Variants in PTPRO observed in about 807,000 individuals in gnomAD.
PTPRO encodes protein tyrosine phosphatase receptor type O, also known as receptor-type tyrosine-protein phosphatase O.
In PTPRO, 62 loss-of-function variants were observed where a neutral mutation model predicts 145.2. The ratio of observed to expected loss-of-function variants is 0.43; its 90% CI spans 0.35 to 0.53. PTPRO has a LOEUF of 0.53. Among genes scored for constraint, PTPRO ranks in the 20% least tolerant of loss-of-function variants. The probability of loss-of-function intolerance (pLI) is 0.01; values close to 1 mark genes in which losing one functional copy is unlikely to be tolerated. For missense variants in PTPRO, 1,345 were observed against 1,482.7 expected, an observed-to-expected ratio of 0.91 and a Z score of 1.53; for synonymous variants, 565 against 514.7, an observed-to-expected ratio of 1.10 and a Z score of -1.32.
chr12:15,493,472 T>C (rs183837157), intron 2 of PTPRO, among the ~76,000 whole-genome samples: 6 of 152,032 alleles, frequency 3.9e-5, no homozygotes, highest in Admixed American at 3.3e-4. Flanking sequence ...CAGGAGAAGA[T>C]GGAAAAAGAA....
intron 1 of PTPRO, among the ~76,000 whole-genome samples, chr12:15,468,052 T>G (rs1026349998): frequency 1.4e-4 from 22 of 152,224 alleles, no homozygotes; most frequent in Non-Finnish European, 3.1e-4. Context: ...TTATACCCTT[T>G]TTTTATTCCA....
chr12:15,331,723 G>C (rs1023205581), intron 1 of PTPRO, among the ~76,000 whole-genome samples: 8 of 152,192 alleles, frequency 5.3e-5, no homozygotes, highest in Non-Finnish European at 7.3e-5. Flanking sequence ...CAGTACACTG[G>C]AGAGGCTGGC....
At chr12:15,528,074 A>G (rs1942879617) in intron 12 of PTPRO, among the ~76,000 whole-genome samples, 1 of 152,176 alleles carries the variant, frequency 6.6e-6, no homozygotes, top group Non-Finnish European at 1.5e-5. Flanking sequence ...GTACTGGAAA[A>G]TACGTTTGCT....
At chr12:15,412,389 G>C (rs1027156786) in intron 1 of PTPRO, among the ~76,000 whole-genome samples, 2 of 152,182 alleles carry the variant, frequency 1.3e-5, no homozygotes. Context: ...ATGCTTCACT[G>C]TGTGAAAGGC....
intron 1 of PTPRO, among the ~76,000 whole-genome samples, chr12:15,427,746 G>C (rs1437729334): frequency 6.6e-6 from 1 of 151,618 alleles, no homozygotes; most frequent in African/African-American, 2.4e-5. Context: ...TAGCTATCAT[G>C]GTTTTAATTT....
rs964558261 is a variant in PTPRO, at chr12:15,375,868, A to G, written c.75+53067A>G. On this transcript the variant is annotated intron_variant, in intron 1 of 26. Coordinates refer to ENST00000281171, the MANE Select transcript of PTPRO (RefSeq NM_030667.3). Reference sequence around the variant, plus strand: ...AACAGAATATTTGAGTTTACTCAACAGCATATTTGAGTTGGCAAAAGAAAG... The same window carrying G: ...AACAGAATATTTGAGTTTACTCAACGGCATATTTGAGTTGGCAAAAGAAAG... Among the ~76,000 whole-genome samples, 4 of 152,316 alleles carry G rather than the reference A, an allele frequency of 2.6e-5. No individual in the cohort carries two copies. In the East Asian group the frequency reaches 7.7e-4, roughly 29 times the overall value.
chr12:15,571,196 GAACAAAGAGA>G lies in PTPRO; in HGVS notation c.2829+1712_2829+1721del, dbSNP rs1157021165. 9.2e-5 allele frequency among the ~76,000 whole-genome samples: 14 copies of G among 152,272 alleles called. No individual in the cohort carries two copies. In the East Asian group the frequency reaches 1.3e-3, roughly 15 times the overall value. ...TGTTTTGGTTTCACTTTGTTTCACT[GAACAAAGAGA>G]AACAAAGAGAAACGCAGCCAGAGAG... On this transcript the variant is annotated intron_variant, in intron 19 of 26. Transcript: ENST00000281171.
At chr12:15,352,454 T>C (rs1373168114) in intron 1 of PTPRO, among the ~76,000 whole-genome samples, 1 of 151,860 alleles carries the variant, frequency 6.6e-6, no homozygotes, top group Non-Finnish European at 1.5e-5. Context: ...ATCTAGACCA[T>C]CTTGGCTAAC....
chr12:15,553,984 C>A (rs897538606), intron 15 of PTPRO, among the ~76,000 whole-genome samples: 9 of 152,164 alleles, frequency 5.9e-5, no homozygotes, highest in African/African-American at 2.2e-4. Flanking sequence ...CACCTGAAGT[C>A]GGGAGTTCGA....
intron 19 of PTPRO, 103 bp from the exon 20 acceptor site, chr12:15,578,750 G>T: frequency 1.1e-6 from 1 of 892,296 alleles, no homozygotes. Flanking sequence ...GGGAGCTACT[G>T]CAATGTCATA....
At chr12:15,564,379 A>G (rs74815376) in intron 17 of PTPRO, among the ~76,000 whole-genome samples, 6,891 of 152,292 alleles carry the variant, frequency 0.045, 497 homozygotes, top group African/African-American at 0.15. Flanking sequence ...GGTGAAATTC[A>G]GAGGGTAACA....
chr12:15,355,295 C>T lies in PTPRO; in HGVS notation c.75+32494C>T, dbSNP rs182034861. 8.5e-4 allele frequency among the ~76,000 whole-genome samples: 129 copies of T among 152,286 alleles called. 2 individuals carry two copies. In the Middle Eastern group the frequency reaches 0.01, roughly 12 times the overall value. On this transcript the variant is annotated intron_variant, in intron 1 of 26. Transcript: ENST00000281171. Reference sequence around the variant, plus strand: ...TAGTGATCAGAAATGACCTTTCCCTCCTTAGTCCCAGGTTTGTTTGGGATT... The same window carrying T: ...TAGTGATCAGAAATGACCTTTCCCTTCTTAGTCCCAGGTTTGTTTGGGATT...
intron 10 of PTPRO, among the ~76,000 whole-genome samples, chr12:15,521,332 G>A (rs1425949945): frequency 6.6e-6 from 1 of 151,944 alleles, no homozygotes; most frequent in Non-Finnish European, 1.5e-5. Context: ...AGCACTTTTT[G>A]TTCCAGATGT....
intron 22 of PTPRO, 138 bp from the exon 23 acceptor site, chr12:15,581,541 T>G: frequency 1.2e-6 from 1 of 863,442 alleles, no homozygotes; most frequent in African/African-American, 2.0e-5. Flanking sequence ...GTAGCAGAAA[T>G]GGTTTGCTTT....
intron 11 of PTPRO, 89 bp downstream of exon 11, chr12:15,525,054 T>C: frequency 6.7e-7 from 1 of 1,488,256 alleles, no homozygotes; most frequent in Admixed American, 1.7e-5. Context: ...TATTGACACG[T>C]CAAATGTTTG....
At position 15,409,856 on chromosome 12, in the gene PTPRO, C is replaced by T. The variant is rs559140795; in HGVS notation, c.76-74118C>T. On this transcript the variant is annotated intron_variant, in intron 1 of 26. Coordinates refer to ENST00000281171, the MANE Select transcript of PTPRO (RefSeq NM_030667.3). ...TTCATGAGAAATCTACCCCCATGAC[C>T]CAATCACCTCGCACCAGGCGCTATC... is the stretch of plus-strand genomic sequence containing the variant. Among the ~76,000 whole-genome samples, 8 of 152,290 alleles carry T rather than the reference C, an allele frequency of 5.3e-5. No individual in the cohort carries two copies. In the South Asian group the frequency reaches 1.0e-3, roughly 20 times the overall value.
chr12:15,379,247 C>T (rs1023044312), intron 1 of PTPRO, among the ~76,000 whole-genome samples: 3 of 151,488 alleles, frequency 2.0e-5, no homozygotes, highest in Non-Finnish European at 4.4e-5. Context: ...GGACCAGGTG[C>T]GCTGGCTCAT....
intron 23 of PTPRO, among the ~76,000 whole-genome samples, 173 bp downstream of exon 23, chr12:15,581,974 CG>C (rs1944330639): frequency 6.6e-6 from 1 of 152,064 alleles, no homozygotes; most frequent in East Asian, 1.9e-4. Flanking sequence ...CTGAGAGCCT[CG>C]AACAGAGATT....
At chr12:15,517,840 T>TA (rs1203618076) in intron 9 of PTPRO, among the ~76,000 whole-genome samples, 1 of 152,120 alleles carries the variant, frequency 6.6e-6, no homozygotes, top group African/African-American at 2.4e-5. Flanking sequence ...GCAGCATATA[T>TA]CCCCCCTCCT....
Sources: allele counts gnomAD v4.1 joint callset (sites outside exome capture counted in the v4.1 genomes callset), GRCh38; gene constraint gnomAD v4.1.1; transcripts MANE v1.5; gene names NCBI Gene and HGNC (gene_info 2026-07-23, HGNC 2026-07-21).